PRR5L: variants seen among roughly 807,000 people sequenced by gnomAD.
PRR5L encodes the protein proline rich 5 like.
A neutral mutation model predicts 36.4 loss-of-function variants in PRR5L; 21 were observed. That is an observed-to-expected ratio of 0.58 (90% CI 0.41 to 0.83). The LOEUF is 0.83. Ranked by LOEUF, PRR5L falls within the 40% of genes least tolerant of loss-of-function variation. The pLI, the probability that PRR5L is intolerant of heterozygous loss-of-function variation, is 0.00. For missense variants in PRR5L, 381 were observed against 473.3 expected (o/e 0.80, Z 1.81); for synonymous variants, 188 against 197.0 (o/e 0.95, Z 0.38).
At chr11:36,383,536 A>T (rs898881029) in intron 1 of PRR5L, among the ~76,000 whole-genome samples, 8 of 152,168 alleles carry the variant, frequency 5.3e-5, no homozygotes, top group African/African-American at 1.9e-4. Context: ...ACAGGTTTTC[A>T]GCTTTTCTGT....
chr11:36,433,156 A>G (rs1420518611), intron 5 of PRR5L, among the ~76,000 whole-genome samples: 1 of 152,188 alleles, frequency 6.6e-6, no homozygotes, highest in Non-Finnish European at 1.5e-5. Context: ...TCAGTACTTT[A>G]CAGTTCAGTA....
At chr11:36,369,851 C>T (rs1358287260) in intron 1 of PRR5L, among the ~76,000 whole-genome samples, 1 of 152,162 alleles carries the variant, frequency 6.6e-6, no homozygotes, top group Non-Finnish European at 1.5e-5. Flanking sequence ...CCCGCCTTGG[C>T]CTCCCAAAAT....
intron 1 of PRR5L, among the ~76,000 whole-genome samples, chr11:36,331,574 A>G (rs758083816): frequency 1.1e-4 from 17 of 152,204 alleles, no homozygotes; most frequent in Non-Finnish European, 1.8e-4. Flanking sequence ...AACTTTCATA[A>G]CTTCCTACTA....
intron 1 of PRR5L, chr11:36,380,553 A>G (rs1301698790): frequency 6.6e-6 from 1 of 152,124 alleles, no homozygotes; most frequent in African/African-American, 2.4e-5. Flanking sequence ...CTCGGATTTC[A>G]TGTACGGGAG....
intron 1 of PRR5L, among the ~76,000 whole-genome samples, chr11:36,309,566 C>G (rs1239907204): frequency 1.9e-4 from 2 of 10,330 alleles, no homozygotes; most frequent in Non-Finnish European, 4.0e-4. Flanking sequence ...CTGAATATCA[C>G]AGTCAGTTTA....
At chr11:36,346,717 A>G (rs913488424) in intron 1 of PRR5L, among the ~76,000 whole-genome samples, 14 of 152,244 alleles carry the variant, frequency 9.2e-5, no homozygotes, top group Admixed American at 5.2e-4. Context: ...GAAATACTAG[A>G]TAGCTTTTAA....
chr11:36,322,655 A>G (rs1856623892), intron 1 of PRR5L, among the ~76,000 whole-genome samples: 1 of 152,188 alleles, frequency 6.6e-6, no homozygotes, highest in Admixed American at 6.5e-5. Flanking sequence ...GGGACACCAA[A>G]GATAAGTTAA....
At chr11:36,298,682 A>G (rs909260637) in intron 1 of PRR5L, among the ~76,000 whole-genome samples, 2 of 152,230 alleles carry the variant, frequency 1.3e-5, no homozygotes, top group Non-Finnish European at 2.9e-5. Context: ...ACCACAGACC[A>G]GTACTGGTCC....
rs139257556 is a variant in PRR5L, at chr11:36,337,864, A to C, written c.-126+41426A>C. Among the ~76,000 whole-genome samples, 422 of 152,364 alleles carry C rather than the reference A, an allele frequency of 2.8e-3. 4 individuals carry two copies. The highest frequency in any genetic ancestry group is 9.5e-3 in the African/African-American group (397 of 41,594). On this transcript the variant is annotated intron_variant, in intron 1 of 8. Transcript: ENST00000530639. ...AATAATAATGGCTTATATCACAAAGAAGTTTCTTTAATGTGAAACAGTTCA... is the reference window on the plus strand; with the variant it reads ...AATAATAATGGCTTATATCACAAAGCAGTTTCTTTAATGTGAAACAGTTCA...
At chr11:36,459,655 A>C (rs143984868) in intron 8 of PRR5L, among the ~76,000 whole-genome samples, 1 of 152,194 alleles carries the variant, frequency 6.6e-6, no homozygotes. Context: ...TACCCAGCTC[A>C]TTGGGTTGAG....
chr11:36,382,846 G>A (rs1857393498), intron 1 of PRR5L, among the ~76,000 whole-genome samples: 1 of 152,188 alleles, frequency 6.6e-6, no homozygotes, highest in Non-Finnish European at 1.5e-5. Flanking sequence ...AAGCCTAGTT[G>A]TACATCAGAA....
intron 1 of PRR5L, among the ~76,000 whole-genome samples, chr11:36,306,533 T>G (rs913214558): frequency 6.6e-6 from 1 of 152,214 alleles, no homozygotes; most frequent in African/African-American, 2.4e-5. Context: ...GAGTAGTGGG[T>G]GCTGGCACTT....
Position 36,462,362 on chromosome 11 carries a change from C to G in PRR5L, c.733C>G (p.Arg245Gly). ...TGCAGCCAGGCGGCACTCCAGGGTC[C>G]GGCCCAAGGTGACTGTCCTGAACTA... ...YTLARRHSRV[R>G]PKVTVLNYAS... The change falls in exon 9 of 9, where the codon CGG becomes GGG. Residue 245 changes from arginine (R) to glycine (G), a missense_variant. Physicochemically the swap from Arg to Gly is moderately radical, Grantham distance 125. Transcript: ENST00000530639. The G allele has an allele frequency of 3.3e-6, 5 of 1,506,638 alleles. No individual in the cohort carries two copies. The South Asian group carries it at 6.8e-5, about 20-fold the overall frequency. The allele number at this position is 1,506,638 out of a possible 1,614,324, so 93.3% of individuals were successfully genotyped here.
At chr11:36,348,960 G>A (rs1400388441) in intron 1 of PRR5L, among the ~76,000 whole-genome samples, 2 of 152,120 alleles carry the variant, frequency 1.3e-5, no homozygotes, top group African/African-American at 4.8e-5. Flanking sequence ...TACATTTGAT[G>A]TAAAATGTCC....
intron 1 of PRR5L, among the ~76,000 whole-genome samples, chr11:36,384,970 C>T (rs1274345593): frequency 6.6e-6 from 1 of 152,106 alleles, no homozygotes; most frequent in African/African-American, 2.4e-5. Context: ...TGCACCCAGC[C>T]TTATCTCCTT....
At chr11:36,454,107 G>A (rs1858999389) in intron 8 of PRR5L, 1 of 152,244 alleles carries the variant, frequency 6.6e-6, no homozygotes, top group African/African-American at 2.4e-5. Context: ...GAGGATTAAG[G>A]TAACATGGAG....
intron 4 of PRR5L, among the ~76,000 whole-genome samples, chr11:36,421,214 TC>T (rs1163420557): frequency 6.6e-6 from 1 of 152,222 alleles, no homozygotes; most frequent in Non-Finnish European, 1.5e-5. Context: ...TGGTGTGGTT[TC>T]AATCAGGTTT....
chr11:36,394,277 C>G (rs1025309187), intron 1 of PRR5L: 3 of 152,302 alleles, frequency 2.0e-5, no homozygotes, highest in Non-Finnish European at 4.4e-5. Flanking sequence ...TTCTCTCAGC[C>G]TCCACTGCAC....
chr11:36,461,192 C>T (rs940789541), intron 8 of PRR5L, among the ~76,000 whole-genome samples: 10 of 152,100 alleles, frequency 6.6e-5, no homozygotes, highest in African/African-American at 2.4e-4. Flanking sequence ...TAAGCTATTC[C>T]CTCTCTGAGA....
Sources: gnomAD v4.1 joint callset for allele counts (sites outside exome capture counted in the v4.1 genomes callset) on GRCh38, gnomAD v4.1.1 for gene constraint, MANE v1.5 for transcripts, NCBI Gene and HGNC (gene_info 2026-07-23, HGNC 2026-07-21) for gene names.